The following BAZ1A variants were observed in gnomAD, a reference collection of about 807,000 sequenced individuals.
BAZ1A encodes the protein bromodomain adjacent to zinc finger domain 1A, also known as bromodomain adjacent to zinc finger domain protein 1A.
BAZ1A carries 50 observed loss-of-function variants against 185.2 expected under a neutral mutation model. That is an observed-to-expected ratio of 0.27 (90% CI 0.22 to 0.34). The LOEUF (loss-of-function observed/expected upper bound fraction) is 0.34. Ranked by LOEUF, BAZ1A falls within the 10% of genes least tolerant of loss-of-function variation. BAZ1A has a pLI of 1.00. For synonymous variants in BAZ1A, 571 were observed against 615.6 expected, an observed-to-expected ratio of 0.93 and a Z score of 1.07; for missense variants, 1,356 against 1,839.9, an observed-to-expected ratio of 0.74 and a Z score of 4.81.
chr14:34,838,544 CAG>C (rs2042363985), intron 3 of BAZ1A, among the ~76,000 whole-genome samples: 1 of 149,248 alleles, frequency 6.7e-6, no homozygotes. Flanking sequence ...TTTTTGGAGA[CAG>C]AGTCTCCCTC....
At chr14:34,771,730 G>T (rs1879235000) in intron 20 of BAZ1A, 71 bp from the exon 21 acceptor site, 6 of 1,404,202 alleles carry the variant, frequency 4.3e-6, no homozygotes, top group Non-Finnish European at 5.9e-6. Context: ...TCCATTCATT[G>T]GTTCAAATGC....
intron 4 of BAZ1A, among the ~76,000 whole-genome samples, chr14:34,819,140 C>CAAAAA (rs71121223): frequency 1.4e-5 from 1 of 72,752 alleles, no homozygotes; most frequent in African/African-American, 5.7e-5. Context: ...GACTCTGTCT[C>CAAAAA]AAAAAAAAAA....
rs1323046194 is a variant in BAZ1A, at chr14:34,875,328, T to C, written c.-249A>G. The C allele has an allele frequency of 2.2e-6, 1 of 456,074 alleles. No homozygotes were observed. The allele number at this position is 456,074 out of a possible 1,614,324, so 28.3% of individuals were successfully genotyped here. On this transcript the variant is annotated 5_prime_UTR_variant, in exon 1 of 27. Coordinates refer to ENST00000360310, the MANE Select transcript of BAZ1A (RefSeq NM_013448.3). ...CCACTTCCCCGCCTCTCGGAGCTCC[T>C]GGGAAGTTTCTGATCTACTTTCGGC...
chr14:34,756,466 ATTTTT>A (rs1158606061), intron 25 of BAZ1A, among the ~76,000 whole-genome samples: 3 of 79,024 alleles, frequency 3.8e-5, no homozygotes, highest in Admixed American at 1.8e-4. Flanking sequence ...CAGAATACCT[ATTTTT>A]TTTTTTTTTT....
At chr14:34,866,502 A>AAAAAAAAAAAAAAAAAAAAGGAAAAAAG in intron 2 of BAZ1A, among the ~76,000 whole-genome samples, 2 of 79,538 alleles carry the variant, frequency 2.5e-5, no homozygotes, top group Admixed American at 1.5e-4. Context: ...AAAAAAAAAA[A>AAAAAAAAAAAAAAAAAAAAGGAAAAAAG]GAAAAAAGTT....
intron 4 of BAZ1A, among the ~76,000 whole-genome samples, chr14:34,814,195 G>C (rs940658517): frequency 5.3e-5 from 8 of 151,764 alleles, no homozygotes; most frequent in African/African-American, 1.9e-4. Flanking sequence ...CATTTTATAA[G>C]AGCTTGATCA....
At chr14:34,856,096 G>C (rs113677064) in intron 3 of BAZ1A, among the ~76,000 whole-genome samples, 1 of 152,098 alleles carries the variant, frequency 6.6e-6, no homozygotes, top group Non-Finnish European at 1.5e-5. Flanking sequence ...ATTGGAACAA[G>C]CAAGCTAAAC....
chr14:34,790,863 G>A (rs746648530), intron 12 of BAZ1A, among the ~76,000 whole-genome samples: 1 of 152,144 alleles, frequency 6.6e-6, no homozygotes, highest in Non-Finnish European at 1.5e-5. Context: ...GGTGTCTCAA[G>A]CTTGTAATCC....
At chr14:34,825,099 T>G (rs1044351849) in intron 4 of BAZ1A, among the ~76,000 whole-genome samples, 90 of 152,298 alleles carry the variant, frequency 5.9e-4, no homozygotes, top group Non-Finnish European at 2.1e-4. Flanking sequence ...GTTACAGCAT[T>G]TCTTTATTAT....
intron 14 of BAZ1A, among the ~76,000 whole-genome samples, chr14:34,784,135 G>A (rs1235201927): frequency 4.0e-5 from 6 of 151,742 alleles, no homozygotes; most frequent in Admixed American, 1.3e-4. Flanking sequence ...TTGGGAGGCC[G>A]AGGCGGGCAG....
At chr14:34,869,141 A>G (rs1437775190) in intron 2 of BAZ1A, among the ~76,000 whole-genome samples, 2 of 151,730 alleles carry the variant, frequency 1.3e-5, no homozygotes, top group Non-Finnish European at 2.9e-5. Context: ...CGGGAGGCGG[A>G]GTTTGCAGTG....
chr14:34,780,102 T>G, intron 17 of BAZ1A, 84 bp downstream of exon 17: 3 of 1,530,346 alleles, frequency 2.0e-6, no homozygotes, highest in Non-Finnish European at 2.7e-6. Context: ...GCAATCAATA[T>G]ATTTCAGAGG....
At chr14:34,787,682 C>CA (rs1185136865) in intron 12 of BAZ1A, among the ~76,000 whole-genome samples, 1 of 151,948 alleles carries the variant, frequency 6.6e-6, no homozygotes, top group Non-Finnish European at 1.5e-5. Context: ...GACTCCGTCT[C>CA]AAAAAAACAA....
intron 3 of BAZ1A, among the ~76,000 whole-genome samples, chr14:34,839,570 G>T (rs1287183449): frequency 1.3e-5 from 2 of 148,206 alleles, no homozygotes; most frequent in African/African-American, 2.5e-5. Context: ...TAGGCCAGGC[G>T]TGGTGGCTCA....
Position 34,759,171 on chromosome 14 carries a change from G to GTTTTTTTTTTTTTTTTTTT in BAZ1A, c.4244-344_4244-326dup, listed in dbSNP as rs780287749. Among the ~76,000 whole-genome samples, 7 of 66,468 alleles carry GTTTTTTTTTTTTTTTTTTT rather than the reference G, an allele frequency of 1.1e-4. 1 individual carries two copies. The highest frequency in any genetic ancestry group is 2.6e-4 in the African/African-American group (4 of 15,654). The allele number at this position is 66,468 out of a possible 152,430, so 43.6% of individuals were successfully genotyped here. A position where few individuals can be genotyped will look rare whatever the true frequency, so the allele number is the denominator to read the frequency against. On this transcript the variant is annotated intron_variant, in intron 24 of 26. Transcript: ENST00000360310. ...TTATTAAAAATACTTTACAGCTACA[G>GTTTTTTTTTTTTTTTTTTT]TTTTTTTTTTTTTTTTTTTTTTTTT...
intron 10 of BAZ1A, 36 bp from the exon 11 acceptor site, chr14:34,794,923 C>A (rs765793031): frequency 5.6e-6 from 9 of 1,594,664 alleles, no homozygotes; most frequent in Admixed American, 3.7e-5. Flanking sequence ...CTATTTGAAC[C>A]AAGAGCAGGA....
intron 9 of BAZ1A, among the ~76,000 whole-genome samples, chr14:34,798,711 A>T (rs571573065): frequency 6.6e-6 from 1 of 152,180 alleles, no homozygotes; most frequent in African/African-American, 2.4e-5. Flanking sequence ...TTAGAATGGC[A>T]ATCATTAAAA....
At chr14:34,805,553 T>C (rs1881809433) in intron 6 of BAZ1A, among the ~76,000 whole-genome samples, 1 of 152,240 alleles carries the variant, frequency 6.6e-6, no homozygotes, top group Admixed American at 6.5e-5. Flanking sequence ...TGTCAGGCAC[T>C]GTTCTAGCCA....
Position 34,758,839 on chromosome 14 carries a change from C to A in BAZ1A, c.4251G>T (p.Ser1417=), listed in dbSNP as rs150440809. 4.4e-5 allele frequency: 71 copies of A among 1,613,522 alleles called. No homozygotes were observed. The highest frequency in any genetic ancestry group is 2.7e-4 in the African/African-American group (20 of 74,874). Residue 1417 remains serine (S), a synonymous_variant, in exon 25 of 27, where the codon TCG becomes TCT. Coordinates refer to ENST00000360310, the MANE Select transcript of BAZ1A (RefSeq NM_013448.3). ...RCRKRQSPEP[S]PVTLGRRSSG... Reference sequence around the variant, plus strand: ...AACTCCTTCGACCCAGTGTCACAGGCGATGGCTCTGAGTAAATAATTACAA... The same window carrying A: ...AACTCCTTCGACCCAGTGTCACAGGAGATGGCTCTGAGTAAATAATTACAA...
Sources: allele counts gnomAD v4.1 joint callset (sites outside exome capture counted in the v4.1 genomes callset), GRCh38; gene constraint gnomAD v4.1.1; transcripts MANE v1.5; gene names NCBI Gene and HGNC (gene_info 2026-07-23, HGNC 2026-07-21).